Variants in PRH1 observed in about 807,000 individuals in gnomAD.
The protein encoded by PRH1 is salivary acidic proline-rich phosphoprotein 1/2.
Under a neutral mutation model 7.9 loss-of-function variants are expected in PRH1, and 7 were observed. The observed-to-expected ratio is 0.89, with a 90% CI of 0.50 to 1.67. The LOEUF (loss-of-function observed/expected upper bound fraction) is 1.67, where lower values mean the gene tolerates loss of function less well. Ranked by LOEUF, PRH1 falls within the 40% of genes most tolerant of loss-of-function variation. PRH1 has a pLI of 0.00. For synonymous variants in PRH1, 45 were observed against 80.8 expected, an observed-to-expected ratio of 0.56 and a Z score of 2.38; for missense variants, 109 against 223.6, an observed-to-expected ratio of 0.49 and a Z score of 3.27.
chr12:11,161,037 C>G (rs1461628599), intron 1 of PRH1, among the ~76,000 whole-genome samples: 1 of 152,102 alleles, frequency 6.6e-6, no homozygotes, highest in Non-Finnish European at 1.5e-5. Context: ...TGACTAAAAG[C>G]TGAACAATGT....
intron 1 of PRH1, among the ~76,000 whole-genome samples, chr12:10,985,687 T>A (rs888576807): frequency 6.6e-6 from 1 of 152,190 alleles, no homozygotes; most frequent in Admixed American, 6.5e-5. Context: ...TTCTATAATT[T>A]GGCATCTTGT....
intron 1 of PRH1, among the ~76,000 whole-genome samples, chr12:11,004,818 G>C (rs547651492): frequency 6.6e-6 from 1 of 151,776 alleles, no homozygotes; most frequent in South Asian, 2.1e-4. Flanking sequence ...CATATTGTAG[G>C]GGAAATTTCA....
rs762435629 is a variant in PRH1, at chr12:10,908,713, T to C, written c.-58-24438A>G. On this transcript the variant is annotated intron_variant, in intron 2 of 3. Coordinates refer to the PRH1 transcript ENST00000539853. Reference sequence around the variant, plus strand: ...GAGAAAATTAACAGGAGAAAAGAGATGAAGGCCACAGTAAATGGTGTTAGA... The same window carrying C: ...GAGAAAATTAACAGGAGAAAAGAGACGAAGGCCACAGTAAATGGTGTTAGA... 59 of 1,613,878 alleles carry C rather than the reference T, an allele frequency of 3.7e-5. 1 individual carries two copies. The highest frequency in any genetic ancestry group is 3.3e-4 in the Middle Eastern group (2 of 6,060).
chr12:10,908,008 A>G (rs1299998884), intron 2 of PRH1: 1 of 181,192 alleles, frequency 5.5e-6, no homozygotes, highest in Non-Finnish European at 1.1e-5. Context: ...AGTACTTGAG[A>G]TAATAAAATA....
At chr12:11,018,012 T>G (rs72475464) in intron 1 of PRH1, among the ~76,000 whole-genome samples, 7,333 of 114,012 alleles carry the variant, frequency 0.064, no homozygotes, top group East Asian at 0.31. Context: ...CAAAGACTCC[T>G]GGTTTCAAGT....
At chr12:11,168,213 G>GAAAGGA (rs11381862) in intron 1 of PRH1, among the ~76,000 whole-genome samples, 1 of 19,622 alleles carries the variant, frequency 5.1e-5, no homozygotes, top group Non-Finnish European at 1.2e-4. Context: ...AAGAAAGAAA[G>GAAAGGA]AAGAAAGAAA....
At chr12:11,044,710 A>G (rs534339443) in intron 1 of PRH1, among the ~76,000 whole-genome samples, 2 of 152,278 alleles carry the variant, frequency 1.3e-5, no homozygotes, top group African/African-American at 4.8e-5. Flanking sequence ...AAGGTGCTCA[A>G]CATCATTGAC....
At chr12:11,131,273 G>A (rs140553335) in intron 1 of PRH1, among the ~76,000 whole-genome samples, 27 of 150,928 alleles carry the variant, frequency 1.8e-4, no homozygotes, top group African/African-American at 6.5e-4. Flanking sequence ...TCAAGTGCAT[G>A]CATCTGATGA....
At chr12:10,894,055 A>G (rs1232405953) in intron 2 of PRH1, among the ~76,000 whole-genome samples, 2 of 152,054 alleles carry the variant, frequency 1.3e-5, no homozygotes, top group Admixed American at 1.3e-4. Flanking sequence ...CTTTCTTTAC[A>G]CAGTGACTTT....
chr12:11,162,406 A>G (rs1303246874), intron 1 of PRH1, among the ~76,000 whole-genome samples: 2 of 152,146 alleles, frequency 1.3e-5, no homozygotes, highest in East Asian at 1.9e-4. Context: ...GAAGATATAT[A>G]TATCTTGTGT....
chr12:10,890,419 G>A (rs1949554715), intron 2 of PRH1, among the ~76,000 whole-genome samples: 1 of 152,058 alleles, frequency 6.6e-6, no homozygotes, highest in Non-Finnish European at 1.5e-5. Context: ...GTGTGTGTGT[G>A]CACTGTTTGT....
In PRH1 at chr12:11,168,261, AAAG is replaced by A. The variant is rs1436593039; in HGVS notation, n.39+3158_39+3160del. On this transcript the variant is annotated intron_variant and non_coding_transcript_variant, in intron 1 of 1. Transcript: ENST00000541175. ...GAAAGAAAGAAAGAAAGAAAGAAAG[AAAG>A]AAAGAAAGAAAGAAAGAAAGAAAGA... 6.9e-3 allele frequency among the ~76,000 whole-genome samples: 336 copies of A among 48,884 alleles called. 76 individuals carry two copies. Among genetic ancestry groups the A allele is most frequent in the Middle Eastern group, 0.014 (2 of 140 alleles). 32.1% of individuals were successfully genotyped at this position (48,884 alleles called of 152,430 possible). A position where few individuals can be genotyped will look rare whatever the true frequency, so the allele number is the denominator to read the frequency against.
intron 1 of PRH1, among the ~76,000 whole-genome samples, chr12:11,146,270 G>GTT (rs5796425): frequency 7.9e-5 from 12 of 151,348 alleles, no homozygotes; most frequent in East Asian, 1.9e-4. Context: ...CTTCTAGGTA[G>GTT]TTTTTTTACT....
intron 1 of PRH1, among the ~76,000 whole-genome samples, chr12:11,106,921 C>T (rs986617564): frequency 1.3e-5 from 2 of 152,160 alleles, no homozygotes; most frequent in African/African-American, 4.8e-5. Flanking sequence ...TTTTATCTGT[C>T]TAGTACAGGC....
Position 11,082,694 on chromosome 12 carries a change from A to G in PRH1, n.124-35506T>C, listed in dbSNP as rs1158765470. Among the ~76,000 whole-genome samples the G allele has an allele frequency of 2.6e-5, 3 of 115,490 alleles. 1 individual carries two copies. The highest frequency in any genetic ancestry group is 6.1e-5 in the Non-Finnish European group (3 of 48,988). The allele number at this position is 115,490 out of a possible 152,430, so 75.8% of individuals were successfully genotyped here. A position where few individuals can be genotyped will look rare whatever the true frequency, so the allele number is the denominator to read the frequency against. ...AATAACATAAAACCAACATATTTCC[A>G]GTGATTTACTTGCTATTTTTTTCTT... On this transcript the variant is annotated intron_variant and non_coding_transcript_variant, in intron 1 of 4. Transcript: ENST00000541977.
At chr12:11,134,815 A>C (rs1211532838) in intron 1 of PRH1, among the ~76,000 whole-genome samples, 1 of 152,206 alleles carries the variant, frequency 6.6e-6, no homozygotes, top group Non-Finnish European at 1.5e-5. Context: ...TCTAAGATTT[A>C]CTTGAGAACC....
rs1432720872 is a variant in PRH1 at position 11,079,413 on chromosome 12, T to A, written n.124-32225A>T. 2.6e-5 allele frequency among the ~76,000 whole-genome samples: 3 copies of A among 115,086 alleles called. 1 individual carries two copies. Among genetic ancestry groups the A allele is most frequent in the African/African-American group, 5.8e-5 (2 of 34,274 alleles). 75.5% of individuals were successfully genotyped at this position (115,086 alleles called of 152,430 possible). ...GAATGAGAAACTAATGGAGTCAGAA[T>A]GCCACTGCCTTATCTACACTAAATC... On this transcript the variant is annotated intron_variant and non_coding_transcript_variant, in intron 1 of 4. Coordinates refer to the PRH1 transcript ENST00000541977.
intron 2 of PRH1, chr12:10,932,482 G>T: frequency 5.6e-6 from 1 of 178,606 alleles, no homozygotes; most frequent in Non-Finnish European, 1.2e-5. Flanking sequence ...GAGTTCCACT[G>T]TTTCTTTCCT....
At chr12:10,884,829 G>A (rs1949466259), upstream of PRH1, among the ~76,000 whole-genome samples, 1 of 152,162 alleles carries the variant, frequency 6.6e-6, no homozygotes. Context: ...TGAGAGAAAG[G>A]TGCTGGCAGC....
Sources: allele counts gnomAD v4.1 joint callset (sites outside exome capture counted in the v4.1 genomes callset), GRCh38; gene constraint gnomAD v4.1.1; transcripts MANE v1.5; gene names NCBI Gene and HGNC (gene_info 2026-07-23, HGNC 2026-07-21).